ACTR3C: variants seen among roughly 807,000 people sequenced by gnomAD.
ACTR3C encodes the protein actin related protein 3C.
Under a neutral mutation model 26.3 loss-of-function variants are expected in ACTR3C, and 18 were observed. The observed-to-expected ratio is 0.68, with a 90% confidence interval of 0.47 to 1.01. ACTR3C has a LOEUF of 1.01. Among genes scored for constraint, ACTR3C ranks in the 50% least tolerant of loss-of-function variants. The pLI is 0.00. For synonymous variants in ACTR3C, 55 were observed against 94.5 expected, an observed-to-expected ratio of 0.58 and a Z score of 2.42; for missense variants, 184 against 250.7, an observed-to-expected ratio of 0.73 and a Z score of 1.80.
At chr7:149,882,717 T>C in the ACTR3C span, among the ~76,000 whole-genome samples, 4 of 152,230 alleles carry the variant, frequency 2.6e-5, no homozygotes, top group Admixed American at 2.6e-4. Context: ...ACAGACCTTA[T>C]TCATTAACCA....
the ACTR3C span, among the ~76,000 whole-genome samples, chr7:150,203,567 G>GT: frequency 0.022 from 3,385 of 151,610 alleles, 53 homozygotes; most frequent in African/African-American, 0.048. Context: ...GTTTTTTTCT[G>GT]TTTTTTTTGT....
chr7:150,017,768 T>A, the ACTR3C span, among the ~76,000 whole-genome samples: 1 of 149,952 alleles, frequency 6.7e-6, no homozygotes, highest in Non-Finnish European at 1.5e-5. Flanking sequence ...CATCTCTACG[T>A]CCCCAGAATC....
chr7:150,182,611 A>G, the ACTR3C span, among the ~76,000 whole-genome samples: 4 of 150,748 alleles, frequency 2.7e-5, no homozygotes, highest in African/African-American at 5.0e-5. Context: ...CCAATGTTCC[A>G]TCAATTACAG....
chr7:149,954,401 AC>A, the ACTR3C span, among the ~76,000 whole-genome samples: 2 of 152,134 alleles, frequency 1.3e-5, no homozygotes, highest in Admixed American at 6.5e-5. Context: ...CCCCAACCTA[AC>A]AAAAAAGTTG....
chr7:149,901,396 C>G, the ACTR3C span, among the ~76,000 whole-genome samples: 4 of 149,374 alleles, frequency 2.7e-5, no homozygotes, highest in Admixed American at 1.4e-4. Context: ...GAGACAGGGT[C>G]TCACTTCTGG....
the ACTR3C span, among the ~76,000 whole-genome samples, chr7:150,236,880 A>C: frequency 3.3e-5 from 5 of 150,300 alleles, no homozygotes; most frequent in African/African-American, 7.5e-5. Context: ...TTTCCTGTTG[A>C]TATTCTTTCC....
At chr7:150,090,256 G>A in the ACTR3C span, among the ~76,000 whole-genome samples, 4 of 152,242 alleles carry the variant, frequency 2.6e-5, no homozygotes, top group Non-Finnish European at 5.9e-5. Context: ...TATTTCAGAT[G>A]AGAACTGAAT....
intron 6 of ACTR3C, among the ~76,000 whole-genome samples, chr7:150,262,510 A>G (rs1833721574): frequency 6.6e-6 from 1 of 152,262 alleles, no homozygotes; most frequent in Non-Finnish European, 1.5e-5. Flanking sequence ...TCCTCCCCTT[A>G]CATTCTTGCT....
intron 6 of ACTR3C, among the ~76,000 whole-genome samples, chr7:150,280,207 G>T (rs1365260143): frequency 6.6e-6 from 1 of 152,206 alleles, no homozygotes; most frequent in South Asian, 2.1e-4. Context: ...GAATCTCCCA[G>T]GGTGGGACCC....
the ACTR3C span, among the ~76,000 whole-genome samples, chr7:150,070,978 T>C: frequency 6.9e-6 from 1 of 144,812 alleles, no homozygotes; most frequent in Non-Finnish European, 1.5e-5. Flanking sequence ...GCATTTTTAG[T>C]AGAGACAGGG....
chr7:150,318,980 A>G (rs1266498335), intron 1 of ACTR3C, among the ~76,000 whole-genome samples: 1 of 152,176 alleles, frequency 6.6e-6, no homozygotes, highest in East Asian at 1.9e-4. Flanking sequence ...TTTTCAAACA[A>G]GTTTCCCAGG....
At chr7:150,135,392 G>A in the ACTR3C span, among the ~76,000 whole-genome samples, 271 of 152,366 alleles carry the variant, frequency 1.8e-3, no homozygotes, top group African/African-American at 6.2e-3. Context: ...TCACTGCAGG[G>A]ATCTTGGCTT....
intron 5 of ACTR3C, among the ~76,000 whole-genome samples, 174 bp downstream of exon 5, chr7:150,286,193 C>T (rs544111832): frequency 1.5e-4 from 23 of 151,976 alleles, no homozygotes; most frequent in Admixed American, 4.6e-4. Flanking sequence ...ACCAGCTCTA[C>T]GGAGAGGCAA....
the ACTR3C span, among the ~76,000 whole-genome samples, chr7:150,036,161 T>TCCC: frequency 1.6e-5 from 2 of 121,606 alleles, no homozygotes; most frequent in South Asian, 2.6e-4. Context: ...GGGGGGTGCC[T>TCCC]CCCCCCCCGC....
chr7:150,307,406 T>A (rs970357990), intron 1 of ACTR3C, among the ~76,000 whole-genome samples: 3 of 152,234 alleles, frequency 2.0e-5, no homozygotes, highest in Non-Finnish European at 2.9e-5. Flanking sequence ...CATGCCACCA[T>A]TGTGACTTGT....
the ACTR3C span, among the ~76,000 whole-genome samples, chr7:150,122,166 T>C: frequency 6.6e-6 from 1 of 152,206 alleles, no homozygotes; most frequent in Non-Finnish European, 1.5e-5. Flanking sequence ...GACATAGGCA[T>C]GGGCAAAGTC....
the ACTR3C span, among the ~76,000 whole-genome samples, chr7:149,891,962 T>C: frequency 7.6e-6 from 1 of 130,906 alleles, no homozygotes; most frequent in African/African-American, 2.6e-5. Flanking sequence ...CAATCTGCAA[T>C]TTTCCCTCAT....
the ACTR3C span, among the ~76,000 whole-genome samples, chr7:150,043,590 C>G: frequency 6.6e-6 from 1 of 152,188 alleles, no homozygotes; most frequent in Non-Finnish European, 1.5e-5. Flanking sequence ...ACTTTGTAGG[C>G]GCCAGTGGGA....
At chr7:149,907,478 T>TCTCTTC in the ACTR3C span, among the ~76,000 whole-genome samples, 1 of 97,606 alleles carries the variant, frequency 1.0e-5, no homozygotes, top group Non-Finnish European at 2.1e-5. Flanking sequence ...CTCTCTTCTC[T>TCTCTTC]TCTCTCTCTC....
Sources: gnomAD v4.1 joint callset for allele counts (sites outside exome capture counted in the v4.1 genomes callset) on GRCh38, gnomAD v4.1.1 for gene constraint, MANE v1.5 for transcripts, NCBI Gene and HGNC (gene_info 2026-07-23, HGNC 2026-07-21) for gene names.